ASMTL: variants seen among roughly 807,000 people sequenced by gnomAD.
ASMTL encodes the protein probable bifunctional dTTP/UTP pyrophosphatase/methyltransferase protein.
Under a neutral mutation model 60.3 loss-of-function variants are expected in ASMTL, and 57 were observed. That is an observed-to-expected ratio of 0.95 (90% confidence interval 0.76 to 1.18). ASMTL has a LOEUF of 1.18. Among genes scored for constraint, ASMTL ranks in the 50% most tolerant of loss-of-function variants. The pLI is 0.00. For synonymous variants in ASMTL, 419 were observed against 373.0 expected, an observed-to-expected ratio of 1.12 and a Z score of -1.42; for missense variants, 981 against 852.6, an observed-to-expected ratio of 1.15 and a Z score of -1.88.
chrX:1,416,088 C>G (rs1320287265), intron 11 of ASMTL, among the ~76,000 whole-genome samples: 2 of 151,482 alleles, frequency 1.3e-5, no homozygotes, highest in African/African-American at 4.9e-5. Flanking sequence ...GGCACACTCA[C>G]GCACGGACAC....
In ASMTL at chrX:1,452,895, C is replaced by A; in HGVS notation, c.-55G>T. On this transcript the variant is annotated 5_prime_UTR_variant, in exon 1 of 13. Coordinates refer to ENST00000381317, the MANE Select transcript of ASMTL (RefSeq NM_004192.4). Reference sequence around the variant, plus strand: ...ACTTCTGAGCCCGGAGCCCGCGGTGCGCGCAGCGCGGCTGCAAAAAAAACA... The same window carrying A: ...ACTTCTGAGCCCGGAGCCCGCGGTGAGCGCAGCGCGGCTGCAAAAAAAACA... The A allele has an allele frequency of 7.4e-7, 1 of 1,352,732 alleles. No individual in the cohort carries two copies. Among genetic ancestry groups the A allele is most frequent in the Non-Finnish European group, 9.9e-7 (1 of 1,014,940 alleles). The allele number at this position is 1,352,732 out of a possible 1,614,324, so 83.8% of individuals were successfully genotyped here.
At chrX:1,434,312 A>T (rs1416140680) in intron 5 of ASMTL, among the ~76,000 whole-genome samples, 1 of 151,890 alleles carries the variant, frequency 6.6e-6, no homozygotes, top group African/African-American at 2.4e-5. Context: ...CAACATAGCA[A>T]GACCGCACCT....
chrX:1,420,891 G>A (rs1319331861), intron 9 of ASMTL, among the ~76,000 whole-genome samples: 2 of 151,760 alleles, frequency 1.3e-5, no homozygotes, highest in African/African-American at 4.8e-5. Flanking sequence ...GACCTCCCAG[G>A]TTCAAGTGAT....
At chrX:1,410,642 G>C (rs1374318485) in intron 12 of ASMTL, among the ~76,000 whole-genome samples, 2 of 152,008 alleles carry the variant, frequency 1.3e-5, no homozygotes, top group Non-Finnish European at 2.9e-5. Context: ...TCGAACTCCT[G>C]ACCTCGAGAT....
At chrX:1,434,633 G>A (rs1430884703) in intron 5 of ASMTL, among the ~76,000 whole-genome samples, 12 of 151,272 alleles carry the variant, frequency 7.9e-5, no homozygotes, top group East Asian at 3.9e-4. Context: ...GTGAAACCCC[G>A]TCTCTACTAA....
intron 11 of ASMTL, among the ~76,000 whole-genome samples, chrX:1,417,015 A>T (rs1231842810): frequency 3.5e-5 from 2 of 56,964 alleles, no homozygotes; most frequent in Non-Finnish European, 9.3e-5. Context: ...ACACAGACTC[A>T]GAAACACACA....
rs1166843985 is a variant in ASMTL, at chrX:1,427,819, T to G, written c.812A>C (p.Glu271Ala). The G allele has an allele frequency of 3.7e-6, 6 of 1,612,648 alleles. No homozygotes were observed. Among genetic ancestry groups the G allele is most frequent in the South Asian group, 1.1e-5 (1 of 91,032 alleles). Residue 271 changes from glutamate (E) to alanine (A), a missense_variant, in exon 7 of 13, where the codon GAG (glutamate) becomes GCG (alanine). Physicochemically the swap from Glu to Ala is moderately radical, Grantham distance 107. Coordinates refer to ENST00000381317, the MANE Select transcript of ASMTL (RefSeq NM_004192.4). ...CTCCCGAGTCCTGTGACACTCAGCC[T>G]CTGCCGTGGCCTGTCCCGCCTCTCC... ...EAGEAGQATA[E>A]AECHRTRETL... is the part of the protein sequence containing the mutation.
In ASMTL at chrX:1,425,651, A is replaced by G; in HGVS notation, c.934T>C (p.Leu312=). The G allele has an allele frequency of 1.2e-6, 2 of 1,613,716 alleles. No individual in the cohort carries two copies. Among genetic ancestry groups the G allele is most frequent in the African/African-American group, 2.7e-5 (2 of 75,032 alleles). ...TTCTGGGGTGCTTCATCTTTTAACA[A>G]ATCGAACACCTTCAGTTTGCAAGCG... ...LTACKLKVFD[L]LKDEAPQKAA... Residue 312 remains leucine (L), a synonymous_variant, in exon 8 of 13, where the codon TTG becomes CTG. Coordinates refer to ENST00000381317, the MANE Select transcript of ASMTL (RefSeq NM_004192.4).
At chrX:1,447,272 C>G (rs772942380) in intron 1 of ASMTL, among the ~76,000 whole-genome samples, 7 of 151,934 alleles carry the variant, frequency 4.6e-5, no homozygotes, top group Non-Finnish European at 7.3e-5. Flanking sequence ...TTGCCATCTT[C>G]GACACACACT....
rs1329821606 is a variant in ASMTL at position 1,407,004 on chromosome X, T to TTAGA, written c.1646-3516_1646-3515insTCTA. Among the ~76,000 whole-genome samples the TTAGA allele has an allele frequency of 1.3e-3, 177 of 139,102 alleles. 1 individual carries two copies. The highest frequency in any genetic ancestry group is 4.6e-3 in the African/African-American group (165 of 36,042). 91.3% of individuals were successfully genotyped at this position (139,102 alleles called of 152,430 possible). On this transcript the variant is annotated intron_variant, in intron 12 of 12. Transcript: ENST00000381317. The stretch of plus-strand genomic sequence containing the variant: ...ATGAATGGATGGATAGATGCATGGA[T>TTAGA]TGGATGGATGGGTGAATAGATGGTA...
At chrX:1,432,617 C>T (rs1325804583) in intron 5 of ASMTL, among the ~76,000 whole-genome samples, 1 of 151,950 alleles carries the variant, frequency 6.6e-6, no homozygotes, top group Non-Finnish European at 1.5e-5. Context: ...ATCACGAGGT[C>T]AGGAGTTCGA....
chrX:1,431,494 CTT>C (rs1435436469), intron 6 of ASMTL, among the ~76,000 whole-genome samples: 3 of 86,680 alleles, frequency 3.5e-5, no homozygotes, highest in Non-Finnish European at 9.0e-5. Flanking sequence ...TTAATCACTA[CTT>C]ATTAAAATTA....
Position 1,435,757 on chromosome X carries a change from G to A in ASMTL, c.275C>T (p.Thr92Ile), listed in dbSNP as rs1213412088. The stretch of plus-strand genomic sequence containing the variant: ...CTTCTCCAGAATCAGCCCCCCGACT[G>A]TCTGTGAGAGGAAGGGACAGAGGGA... ...DVVIGADTIVTVGGLILEKPV... is the reference protein window; with the variant it reads ...DVVIGADTIVIVGGLILEKPV... The change falls in exon 4 of 13, where the codon ACA becomes ATA. Residue 92 changes from threonine (T) to isoleucine (I), a missense_variant and splice_region_variant. Physicochemically the swap from Thr to Ile is moderately conservative, Grantham distance 89 (BLOSUM62 -1). Coordinates refer to ENST00000381317, the MANE Select transcript of ASMTL (RefSeq NM_004192.4). 6.8e-6 allele frequency: 11 copies of A among 1,613,424 alleles called. No homozygotes were observed. In the East Asian group the frequency reaches 1.1e-4, roughly 16 times the overall value.
At chrX:1,405,506 AGATG>A (rs2089787204) in intron 12 of ASMTL, among the ~76,000 whole-genome samples, 1 of 149,850 alleles carries the variant, frequency 6.7e-6, no homozygotes, top group Non-Finnish European at 1.5e-5. Flanking sequence ...TGCATGCATG[AGATG>A]GATGGGTGTA....
At chrX:1,405,661 G>T in intron 12 of ASMTL, among the ~76,000 whole-genome samples, 1 of 151,782 alleles carries the variant, frequency 6.6e-6, no homozygotes, top group Non-Finnish European at 1.5e-5. Context: ...TGAGATGGAT[G>T]GATGGGTGAA....
chrX:1,437,768 G>T (rs1261917227), intron 3 of ASMTL, among the ~76,000 whole-genome samples: 1 of 151,234 alleles, frequency 6.6e-6, no homozygotes, highest in Non-Finnish European at 1.5e-5. Flanking sequence ...GTGGTCGCGC[G>T]CACCTGTAGT....
chrX:1,435,256 G>T, intron 4 of ASMTL, 173 bp from the exon 5 acceptor site: 1 of 711,058 alleles, frequency 1.4e-6, no homozygotes, highest in Non-Finnish European at 2.4e-6. Flanking sequence ...TTACGGAGAG[G>T]CCGAGGGAAG....
At position 1,427,939 on chromosome X, in the gene ASMTL, G is replaced by A. The variant is rs2090658018; in HGVS notation, c.692C>T (p.Ala231Val). ...ACTGAGGTCTTCGAAGGTGTCCGCG[G>A]CCGGGATGGAGTCGTGCTTGACACT... ...RRSVKHDSIP[A>V]ADTFEDLSDV... The change falls in exon 7 of 13, where the codon GCC (alanine) becomes GTC (valine). Residue 231 changes from alanine to valine, a missense_variant. By Grantham distance (64) the Ala-to-Val change is moderately conservative (BLOSUM62 0). Transcript: ENST00000381317. The A allele has an allele frequency of 1.2e-5, 19 of 1,613,358 alleles. No homozygotes were observed. Among genetic ancestry groups the A allele is most frequent in the Non-Finnish European group, 1.6e-5 (19 of 1,179,834 alleles).
At chrX:1,434,045 A>G (rs2090891317) in intron 5 of ASMTL, among the ~76,000 whole-genome samples, 2 of 152,164 alleles carry the variant, frequency 1.3e-5, no homozygotes, top group Non-Finnish European at 2.9e-5. Context: ...CCGGCCCTTC[A>G]CCTGTGGGAT....
Sources: gnomAD v4.1 joint callset for allele counts (sites outside exome capture counted in the v4.1 genomes callset) on GRCh38, gnomAD v4.1.1 for gene constraint, MANE v1.5 for transcripts, NCBI Gene and HGNC (gene_info 2026-07-23, HGNC 2026-07-21) for gene names.